PCNT: variants seen among roughly 807,000 people sequenced by gnomAD.
PCNT encodes the protein pericentrin.
In PCNT, 319 loss-of-function variants were observed where a neutral mutation model predicts 380.4. The ratio of observed to expected loss-of-function variants is 0.84; its 90% CI spans 0.77 to 0.92. The LOEUF (loss-of-function observed/expected upper bound fraction) is 0.92. Among genes scored for constraint, PCNT ranks in the 40% least tolerant of loss-of-function variants. PCNT has a pLI of 0.00. For synonymous variants in PCNT, 1,845 were observed against 1,735.2 expected (o/e 1.06, Z -1.57); for missense variants, 4,400 against 4,255.3 (o/e 1.03, Z -0.95).
chr21:46,371,072 A>G (rs2085108557), intron 15 of PCNT, among the ~76,000 whole-genome samples: 1 of 151,874 alleles, frequency 6.6e-6, no homozygotes, highest in Admixed American at 6.6e-5. Context: ...AATAAATAAA[A>G]ATTAACCAGG....
intron 39 of PCNT, among the ~76,000 whole-genome samples, chr21:46,436,539 C>T (rs1245077159): frequency 2.1e-5 from 3 of 144,132 alleles, no homozygotes; most frequent in Non-Finnish European, 3.0e-5. Context: ...GGATGACGAT[C>T]GTGATATTTC....
intron 15 of PCNT, among the ~76,000 whole-genome samples, chr21:46,367,390 C>T (rs1484649566): frequency 2.3e-4 from 35 of 151,752 alleles, no homozygotes; most frequent in Non-Finnish European, 1.5e-4. Context: ...TCACTGCAAC[C>T]TCCGCCTCCT....
intron 15 of PCNT, among the ~76,000 whole-genome samples, chr21:46,380,349 A>G (rs907590648): frequency 2.0e-5 from 3 of 150,412 alleles, no homozygotes; most frequent in African/African-American, 4.9e-5. Flanking sequence ...TTTAGTAGAG[A>G]TGGGGTTTCA....
chr21:46,375,664 G>A (rs375588957), intron 15 of PCNT, among the ~76,000 whole-genome samples: 2 of 152,282 alleles, frequency 1.3e-5, no homozygotes, highest in East Asian at 1.9e-4. Flanking sequence ...CATTGTGGCC[G>A]AGCCGAGGCC....
At position 46,349,243 on chromosome 21, in the gene PCNT, G is replaced by A; in HGVS notation, c.1207+57G>A. Reference sequence around the variant, plus strand: ...GGACTGAATTTTCCTAGGTAGTACTGGAAGGAATGTCGTTCATGTCACCAT... The same window carrying A: ...GGACTGAATTTTCCTAGGTAGTACTAGAAGGAATGTCGTTCATGTCACCAT... On this transcript the variant is annotated intron_variant, in intron 7 of 46. Transcript: ENST00000359568. The A allele has an allele frequency of 2.9e-6, 4 of 1,369,302 alleles. No individual in the cohort carries two copies. The South Asian group carries it at 3.5e-5, about 12-fold the overall frequency. 84.8% of individuals were successfully genotyped at this position (1,369,302 alleles called of 1,614,324 possible). A position where few individuals can be genotyped will look rare whatever the true frequency, so the allele number is the denominator to read the frequency against.
At chr21:46,398,945 G>A (rs541119360) in intron 24 of PCNT, among the ~76,000 whole-genome samples, 5 of 149,216 alleles carry the variant, frequency 3.4e-5, no homozygotes, top group South Asian at 4.3e-4. Context: ...TCAGCCTCCC[G>A]AGTAGCTGGG....
At chr21:46,342,999 A>G (rs949637323) in intron 3 of PCNT, among the ~76,000 whole-genome samples, 3 of 152,006 alleles carry the variant, frequency 2.0e-5, no homozygotes, top group African/African-American at 7.3e-5. Context: ...AGTGCTACTG[A>G]TTTGTGTATG....
intron 31 of PCNT, 127 bp from the exon 32 acceptor site, chr21:46,421,842 AG>A: frequency 9.7e-7 from 1 of 1,026,538 alleles, no homozygotes; most frequent in East Asian, 2.4e-5. Flanking sequence ...TTTCTCCGTG[AG>A]CAGAATCACG....
Position 46,431,725 on chromosome 21 carries a change from C to T in PCNT, c.8261C>T (p.Thr2754Ile), listed in dbSNP as rs542163616. 9 of 1,612,292 alleles carry T rather than the reference C, an allele frequency of 5.6e-6. No individual in the cohort carries two copies. The highest frequency in any genetic ancestry group is 5.5e-5 in the South Asian group (5 of 91,064). ...GACCTTGCGGCTGAGAAGAGCCGCA[C>T]CCTGGAGCTGTCAGAGGCCTTGCGG... The part of the protein sequence containing the change: ...QKDLAAEKSR[T>I]LELSEALRHE... Residue 2754 changes from threonine to isoleucine, a missense_variant, in exon 38 of 47, where the codon ACC becomes ATC. Physicochemically the swap from Thr to Ile is moderately conservative, Grantham distance 89. Coordinates refer to ENST00000359568, the MANE Select transcript of PCNT (RefSeq NM_006031.6).
At chr21:46,357,776 G>T (rs545984485) in intron 13 of PCNT, among the ~76,000 whole-genome samples, 36 of 152,300 alleles carry the variant, frequency 2.4e-4, no homozygotes, top group African/African-American at 8.2e-4. Context: ...TCCTAAGAGG[G>T]CTCTGGGAGG....
intron 28 of PCNT, 95 bp from the exon 29 acceptor site, chr21:46,412,742 G>A (rs1238760552): frequency 9.0e-6 from 12 of 1,327,290 alleles, no homozygotes; most frequent in Non-Finnish European, 1.2e-5. Context: ...CATCCCTGCT[G>A]GCTGCCGTAC....
chr21:46,405,327 G>A (rs112275401), intron 27 of PCNT, among the ~76,000 whole-genome samples: 7,456 of 152,326 alleles, frequency 0.049, 228 homozygotes, highest in Non-Finnish European at 0.063. Flanking sequence ...CTACTGAGAT[G>A]TTATCTGTCT....
At chr21:46,344,649 T>G (rs1462503735) in intron 3 of PCNT, among the ~76,000 whole-genome samples, 2 of 152,222 alleles carry the variant, frequency 1.3e-5, no homozygotes, top group Admixed American at 6.5e-5. Flanking sequence ...GAAAGGTGCC[T>G]GGCTGATGCA....
chr21:46,413,293 TGTGGGGAACGGGGAAGGCACGAGG>T (rs2086870518), intron 29 of PCNT, among the ~76,000 whole-genome samples: 13 of 103,822 alleles, frequency 1.3e-4, no homozygotes, highest in Admixed American at 1.8e-4. Flanking sequence ...GGCAGCAAGG[TGTGGGGAACGGGGAAGGCACGAGG>T]CCCACCCGGG....
chr21:46,381,320 G>A (rs980245596), intron 15 of PCNT, among the ~76,000 whole-genome samples: 3 of 151,534 alleles, frequency 2.0e-5, no homozygotes, highest in African/African-American at 7.3e-5. Flanking sequence ...TAAAAGGGAA[G>A]GAACCTAGGT....
intron 25 of PCNT, among the ~76,000 whole-genome samples, chr21:46,400,512 CTTTTTTT>C (rs1215264897): frequency 3.5e-5 from 3 of 84,548 alleles, no homozygotes; most frequent in South Asian, 4.4e-4. Context: ...GTGTCTGATT[CTTTTTTT>C]TTTTTTTTTT....
chr21:46,351,880 G>A (rs529047633), intron 9 of PCNT, among the ~76,000 whole-genome samples: 3 of 152,364 alleles, frequency 2.0e-5, no homozygotes, highest in South Asian at 4.1e-4. Context: ...TGCTGTCCAA[G>A]TGCGGGCTCA....
chr21:46,392,696 C>T (rs1043251682), intron 21 of PCNT, among the ~76,000 whole-genome samples: 2 of 152,162 alleles, frequency 1.3e-5, no homozygotes. Context: ...GCCCAGGGGG[C>T]GTTTTCCAGG....
intron 2 of PCNT, among the ~76,000 whole-genome samples, chr21:46,331,043 AGTGTGTGTAT>A (rs1411352492): frequency 2.0e-5 from 3 of 151,746 alleles, no homozygotes; most frequent in South Asian, 2.1e-4. Flanking sequence ...TGTGTGTGAG[AGTGTGTGTAT>A]GTGTGTGTGA....
Sources: allele counts gnomAD v4.1 joint callset (sites outside exome capture counted in the v4.1 genomes callset), GRCh38; gene constraint gnomAD v4.1.1; transcripts MANE v1.5; gene names NCBI Gene and HGNC (gene_info 2026-07-23, HGNC 2026-07-21).